Variants in HIPK2 observed in about 807,000 individuals in gnomAD.
HIPK2 encodes homeodomain interacting protein kinase 2.
In HIPK2, 27 loss-of-function variants were observed where a neutral mutation model predicts 113.7. The ratio of observed to expected loss-of-function variants is 0.24; its 90% CI spans 0.17 to 0.33. The LOEUF is 0.33. Ranked by LOEUF, HIPK2 falls within the 10% of genes least tolerant of loss-of-function variation. HIPK2 has a pLI of 1.00. For synonymous variants in HIPK2, 631 were observed against 642.2 expected, an observed-to-expected ratio of 0.98 and a Z score of 0.26; for missense variants, 1,257 against 1,588.0, an observed-to-expected ratio of 0.79 and a Z score of 3.54.
chr7:139,605,858 A>C (rs1342182917), intron 9 of HIPK2, among the ~76,000 whole-genome samples: 1 of 152,258 alleles, frequency 6.6e-6, no homozygotes, highest in Non-Finnish European at 1.5e-5. Context: ...AGAAAGCGGA[A>C]ACATAATTTA....
At chr7:139,594,268 A>G (rs1320039860) in intron 12 of HIPK2, among the ~76,000 whole-genome samples, 9 of 152,092 alleles carry the variant, frequency 5.9e-5, no homozygotes, top group African/African-American at 2.2e-4. Flanking sequence ...TTGTGTTATA[A>G]TGATTTGTAT....
At chr7:139,718,559 G>C (rs1418641548) in intron 1 of HIPK2, among the ~76,000 whole-genome samples, 1 of 152,128 alleles carries the variant, frequency 6.6e-6, no homozygotes, top group Non-Finnish European at 1.5e-5. Flanking sequence ...GAGAGAAAGA[G>C]GTGTTGCTCT....
At chr7:139,615,492 A>T (rs963340355) in intron 7 of HIPK2, among the ~76,000 whole-genome samples, 1 of 152,236 alleles carries the variant, frequency 6.6e-6, no homozygotes, top group Admixed American at 6.5e-5. Flanking sequence ...CTGAACTTGC[A>T]TGAAAAATGA....
At chr7:139,647,311 A>C (rs968932399) in intron 2 of HIPK2, among the ~76,000 whole-genome samples, 2 of 152,084 alleles carry the variant, frequency 1.3e-5, no homozygotes, top group African/African-American at 4.8e-5. Context: ...GAGCTGGAAG[A>C]AGCTGTGGTT....
At chr7:139,586,752 C>T (rs577009600) in intron 12 of HIPK2, among the ~76,000 whole-genome samples, 1 of 151,516 alleles carries the variant, frequency 6.6e-6, no homozygotes, top group African/African-American at 2.4e-5. Context: ...GAGTGAAACC[C>T]TGTCTCCAAA....
chr7:139,717,296 AT>A (rs947815665), intron 1 of HIPK2, among the ~76,000 whole-genome samples: 1 of 151,344 alleles, frequency 6.6e-6, no homozygotes, highest in South Asian at 2.1e-4. Flanking sequence ...ATAGGTCACC[AT>A]TTTTTTTTGT....
intron 1 of HIPK2, among the ~76,000 whole-genome samples, chr7:139,723,984 A>G (rs1795492883): frequency 6.6e-6 from 1 of 151,806 alleles, no homozygotes. Flanking sequence ...AATAATGAGT[A>G]CTTAATAGAT....
intron 2 of HIPK2, among the ~76,000 whole-genome samples, chr7:139,709,201 G>T (rs1438068587): frequency 6.6e-6 from 1 of 152,160 alleles, no homozygotes; most frequent in East Asian, 1.9e-4. Flanking sequence ...CTGGGCAAAT[G>T]AAGTTGTCGG....
chr7:139,684,269 C>T (rs1415728124), intron 2 of HIPK2, among the ~76,000 whole-genome samples: 2 of 152,238 alleles, frequency 1.3e-5, no homozygotes, highest in African/African-American at 4.8e-5. Context: ...TCTTCTCGGG[C>T]CTCTCTCTTC....
At chr7:139,605,724 T>C (rs1455824956) in intron 9 of HIPK2, among the ~76,000 whole-genome samples, 2 of 152,202 alleles carry the variant, frequency 1.3e-5, no homozygotes, top group African/African-American at 2.4e-5. Context: ...GCTTTTGATA[T>C]AGGCAGAAGC....
rs1038452846 is a variant in HIPK2 at position 139,670,905 on chromosome 7, C to T, written c.1104-39180G>A. On this transcript the variant is annotated intron_variant, in intron 2 of 14. Coordinates refer to ENST00000406875, the MANE Select transcript of HIPK2 (RefSeq NM_022740.5). ...CCACCCTAGTGGCGGGGATTACAGG[C>T]CTGCGCCACCATGCCTGGCTAATTT... is the stretch of plus-strand genomic sequence containing the variant. Among the ~76,000 whole-genome samples, 25 of 151,534 alleles carry T rather than the reference C, an allele frequency of 1.6e-4. 1 individual carries two copies. The South Asian group carries it at 3.1e-3, about 19-fold the overall frequency.
chr7:139,702,732 C>G (rs1794747914), intron 2 of HIPK2, among the ~76,000 whole-genome samples: 1 of 152,164 alleles, frequency 6.6e-6, no homozygotes, highest in African/African-American at 2.4e-5. Context: ...CCTGGGCACA[C>G]AGAGGACCCC....
intron 2 of HIPK2, among the ~76,000 whole-genome samples, chr7:139,692,369 T>C (rs1202139649): frequency 6.6e-6 from 1 of 152,064 alleles, no homozygotes; most frequent in Non-Finnish European, 1.5e-5. Flanking sequence ...ACAGAGAGGG[T>C]GTCAGGCCCT....
intron 12 of HIPK2, among the ~76,000 whole-genome samples, chr7:139,593,331 TG>T (rs931791982): frequency 6.6e-6 from 1 of 152,176 alleles, no homozygotes; most frequent in African/African-American, 2.4e-5. Flanking sequence ...CTAGTGCGGG[TG>T]GAACACCCAG....
chr7:139,666,098 C>T (rs1246029594), intron 2 of HIPK2, among the ~76,000 whole-genome samples: 1 of 152,100 alleles, frequency 6.6e-6, no homozygotes, highest in African/African-American at 2.4e-5. Context: ...ATCAAAGACA[C>T]ACAAGAGAAA....
chr7:139,713,841 AC>A (rs902767344), intron 2 of HIPK2, among the ~76,000 whole-genome samples: 3 of 152,212 alleles, frequency 2.0e-5, no homozygotes, highest in Non-Finnish European at 4.4e-5. Context: ...TGGGGCTGGT[AC>A]CCGGGACGGC....
chr7:139,674,491 G>A (rs1043422400), intron 2 of HIPK2, among the ~76,000 whole-genome samples: 7 of 152,146 alleles, frequency 4.6e-5, no homozygotes, highest in Admixed American at 6.5e-5. Flanking sequence ...GGTTTTAAAC[G>A]GAAGGCCTTC....
chr7:139,755,169 G>T (rs559400865), intron 1 of HIPK2, among the ~76,000 whole-genome samples: 1 of 152,314 alleles, frequency 6.6e-6, no homozygotes, highest in Non-Finnish European at 1.5e-5. Context: ...GTGAAGGGAG[G>T]TCTGCAGGAA....
intron 2 of HIPK2, among the ~76,000 whole-genome samples, chr7:139,659,247 C>A (rs746096824): frequency 2.0e-5 from 3 of 152,214 alleles, no homozygotes; most frequent in African/African-American, 7.2e-5. Context: ...CGTCTTAACC[C>A]TTTCCCTGCC....
Sources: allele counts gnomAD v4.1 joint callset (sites outside exome capture counted in the v4.1 genomes callset), GRCh38; gene constraint gnomAD v4.1.1; transcripts MANE v1.5; gene names NCBI Gene and HGNC (gene_info 2026-07-23, HGNC 2026-07-21).